Variants in CACNA1C observed in about 807,000 individuals in gnomAD.
CACNA1C encodes the protein voltage-dependent L-type calcium channel subunit alpha-1C.
A neutral mutation model predicts 229.0 loss-of-function variants in CACNA1C; 30 were observed. The ratio of observed to expected loss-of-function variants is 0.13; its 90% CI spans 0.10 to 0.18. The LOEUF (loss-of-function observed/expected upper bound fraction) is 0.18, where lower values mean the gene tolerates loss of function less well. Among genes scored for constraint, CACNA1C ranks in the 10% least tolerant of loss-of-function variants. CACNA1C has a pLI of 1.00. For synonymous variants in CACNA1C, 1,114 were observed against 1,132.5 expected, an observed-to-expected ratio of 0.98 and a Z score of 0.33; for missense variants, 1,658 against 2,845.0, an observed-to-expected ratio of 0.58 and a Z score of 9.49.
In CACNA1C at chr12:2,696,151, C is replaced by T. The variant is rs1052948926; in HGVS notation, c.*4952C>T. 13 of 152,160 alleles carry T rather than the reference C, an allele frequency of 8.5e-5. No individual in the cohort carries two copies. Among genetic ancestry groups the T allele is most frequent in the African/African-American group, 3.1e-4 (13 of 41,416 alleles). 9.4% of individuals were successfully genotyped at this position (152,160 alleles called of 1,614,324 possible). On this transcript the variant is annotated 3_prime_UTR_variant, in exon 47 of 47. Transcript: ENST00000399655. ...CTTTAAGAGGTTTGAGCCACAGCAC[C>T]TGAAGTGGCAAAGATCCATGGTCTT... is the stretch of plus-strand genomic sequence containing the variant.
At chr12:2,164,475 G>T (rs77635569) in intron 3 of CACNA1C, among the ~76,000 whole-genome samples, 4,390 of 152,306 alleles carry the variant, frequency 0.029, 103 homozygotes, top group Non-Finnish European at 0.047. Context: ...CAAATTCAAA[G>T]TTCTGGAACT....
At chr12:2,645,031 A>T (rs1003306) in intron 30 of CACNA1C, among the ~76,000 whole-genome samples, 95,847 of 152,100 alleles carry the variant, frequency 0.63, 32,261 homozygotes, top group Admixed American at 0.73. Flanking sequence ...TATATCAATT[A>T]CGTGAACAAA....
intron 3 of CACNA1C, among the ~76,000 whole-genome samples, chr12:2,258,820 G>A (rs976161628): frequency 6.6e-6 from 1 of 152,084 alleles, no homozygotes; most frequent in Admixed American, 6.5e-5. Context: ...ATCAAATTCT[G>A]GTTATTTTTG....
chr12:2,537,117 A>G (rs974166221), intron 9 of CACNA1C, among the ~76,000 whole-genome samples: 1 of 152,200 alleles, frequency 6.6e-6, no homozygotes, highest in African/African-American at 2.4e-5. Context: ...TCTCCCCAGG[A>G]CCACCACCTG....
chr12:2,280,490 C>T (rs372541570), intron 3 of CACNA1C, among the ~76,000 whole-genome samples: 15 of 64,084 alleles, frequency 2.3e-4, no homozygotes, highest in African/African-American at 4.2e-4. Context: ...CTCTTGATAC[C>T]TTGCTGTGCT....
chr12:2,064,138 C>T (rs12311200), intron 1 of CACNA1C, among the ~76,000 whole-genome samples: 2,187 of 152,222 alleles, frequency 0.014, 44 homozygotes, highest in African/African-American at 0.05. Flanking sequence ...ACTGATACTG[C>T]CTCTGTTCAA....
At chr12:2,047,217 G>A (rs759103865) in intron 1 of CACNA1C, among the ~76,000 whole-genome samples, 1 of 152,224 alleles carries the variant, frequency 6.6e-6, no homozygotes, top group African/African-American at 2.4e-5. Context: ...TACAATGGTG[G>A]TAAGTCTCTT....
chr12:2,511,019 A>C (rs2099782614), intron 8 of CACNA1C, among the ~76,000 whole-genome samples: 1 of 152,204 alleles, frequency 6.6e-6, no homozygotes, highest in South Asian at 2.1e-4. Context: ...GTGAGCTGTC[A>C]ATCTGTCCCT....
At chr12:2,095,089 C>T (rs746435638) in intron 1 of CACNA1C, among the ~76,000 whole-genome samples, 24 of 152,194 alleles carry the variant, frequency 1.6e-4, no homozygotes, top group Non-Finnish European at 2.2e-4. Flanking sequence ...GCAATACAGA[C>T]GGGAACTTAG....
At chr12:2,308,782 A>G (rs1004423764) in intron 3 of CACNA1C, among the ~76,000 whole-genome samples, 4 of 152,240 alleles carry the variant, frequency 2.6e-5, no homozygotes, top group African/African-American at 4.8e-5. Context: ...CACCAGGGAA[A>G]TGCAAATCAA....
At chr12:2,358,294 TG>T (rs2097447265) in intron 3 of CACNA1C, among the ~76,000 whole-genome samples, 1 of 144,426 alleles carries the variant, frequency 6.9e-6, no homozygotes, top group African/African-American at 2.9e-5. Context: ...TGTGTGTGTG[TG>T]TGTGTGTGTG....
chr12:2,433,428 G>A (rs1183166607), intron 3 of CACNA1C, among the ~76,000 whole-genome samples: 1 of 150,332 alleles, frequency 6.7e-6, no homozygotes, highest in Non-Finnish European at 1.5e-5. Context: ...ACCCATGCCT[G>A]CTTTGATAAA....
intron 3 of CACNA1C, among the ~76,000 whole-genome samples, chr12:2,390,712 C>T (rs1179050170): frequency 6.6e-6 from 1 of 152,010 alleles, no homozygotes; most frequent in Non-Finnish European, 1.5e-5. Flanking sequence ...GAATGTGTGC[C>T]AAGAGTGTGG....
chr12:2,518,514 A>G (rs1287928319), intron 9 of CACNA1C, among the ~76,000 whole-genome samples: 1 of 151,458 alleles, frequency 6.6e-6, no homozygotes, highest in African/African-American at 2.4e-5. Context: ...AGGCTGAGGC[A>G]GGAGAATGGC....
chr12:2,296,998 A>G (rs12312465), intron 3 of CACNA1C, among the ~76,000 whole-genome samples: 1 of 152,234 alleles, frequency 6.6e-6, no homozygotes, highest in African/African-American at 2.4e-5. Flanking sequence ...CTCTGTCTTC[A>G]TCACCTTTTG....
At chr12:2,573,545 G>A (rs961937290) in intron 13 of CACNA1C, among the ~76,000 whole-genome samples, 1 of 152,196 alleles carries the variant, frequency 6.6e-6, no homozygotes, top group African/African-American at 2.4e-5. Context: ...ATAATGCTTG[G>A]TGTACACATG....
chr12:2,302,522 C>T (rs1006450411), intron 3 of CACNA1C, among the ~76,000 whole-genome samples: 3 of 152,012 alleles, frequency 2.0e-5, no homozygotes, highest in Non-Finnish European at 2.9e-5. Context: ...GCCTCTGGGA[C>T]GCCTGGGGAC....
At chr12:2,471,588 A>G (rs960681340) in intron 5 of CACNA1C, among the ~76,000 whole-genome samples, 7 of 152,122 alleles carry the variant, frequency 4.6e-5, no homozygotes, top group Non-Finnish European at 7.4e-5. Context: ...TTTTGCTGGT[A>G]TAGAGTTCTT....
chr12:2,561,594 A>G (rs2047523250), intron 11 of CACNA1C, among the ~76,000 whole-genome samples: 1 of 152,260 alleles, frequency 6.6e-6, no homozygotes, highest in Non-Finnish European at 1.5e-5. Flanking sequence ...CAGGAGGGGC[A>G]GGACAGACAG....
Sources: gnomAD v4.1 joint callset for allele counts (sites outside exome capture counted in the v4.1 genomes callset) on GRCh38, gnomAD v4.1.1 for gene constraint, MANE v1.5 for transcripts, NCBI Gene and HGNC (gene_info 2026-07-23, HGNC 2026-07-21) for gene names.